The following B4GALT1 variants were observed in gnomAD, a reference collection of about 807,000 sequenced individuals.
B4GALT1 encodes N-acetyllactosamine synthase.
In B4GALT1, 16 loss-of-function variants were observed where a neutral mutation model predicts 34.9. The observed-to-expected ratio is 0.46, with a 90% CI of 0.31 to 0.70. The LOEUF is 0.70. Ranked by LOEUF, B4GALT1 falls within the 30% of genes least tolerant of loss-of-function variation. The pLI, the probability that B4GALT1 is intolerant of heterozygous loss-of-function variation, is 0.05. For synonymous variants in B4GALT1, 221 were observed against 218.1 expected, an observed-to-expected ratio of 1.01 and a Z score of -0.12; for missense variants, 445 against 530.5, an observed-to-expected ratio of 0.84 and a Z score of 1.58.
At chr9:33,104,573 C>A (rs990609118) in exon 3 of B4GALT1, 3 of 345,530 alleles carry the variant, frequency 8.7e-6, no homozygotes, top group Non-Finnish European at 1.7e-5. Context: ...AAGCCAGTCA[C>A]TGGGGTCAAG....
At chr9:33,149,326 G>A (rs1324703967) in intron 1 of B4GALT1, among the ~76,000 whole-genome samples, 1 of 151,490 alleles carries the variant, frequency 6.6e-6, no homozygotes, top group Non-Finnish European at 1.5e-5. Flanking sequence ...TGTCACCCTG[G>A]CTAGAGTGCA....
chr9:33,164,544 CA>C (rs1840720330), intron 1 of B4GALT1, among the ~76,000 whole-genome samples: 1 of 152,204 alleles, frequency 6.6e-6, no homozygotes, highest in African/African-American at 2.4e-5. Flanking sequence ...CCTCGTCCTC[CA>C]AAATGTTCTT....
At chr9:33,127,609 A>G (rs141246321) in intron 2 of B4GALT1, among the ~76,000 whole-genome samples, 2 of 152,358 alleles carry the variant, frequency 1.3e-5, no homozygotes, top group African/African-American at 2.4e-5. Flanking sequence ...TTATGGTATT[A>G]CTTACACTCA....
chr9:33,132,836 C>A (rs1457585524), intron 2 of B4GALT1, among the ~76,000 whole-genome samples: 1 of 152,168 alleles, frequency 6.6e-6, no homozygotes, highest in Non-Finnish European at 1.5e-5. Context: ...CACCTCAGTT[C>A]AAAAATTCAG....
intron 1 of B4GALT1, among the ~76,000 whole-genome samples, chr9:33,157,121 TACACACACAC>T (rs199541947): frequency 1.1e-4 from 13 of 113,228 alleles, no homozygotes; most frequent in East Asian, 2.8e-4. Context: ...CATAGGGAAC[TACACACACAC>T]ACACACACAC....
At position 33,111,114 on chromosome 9, in the gene B4GALT1, T is replaced by A. The variant is rs1270924006; in HGVS notation, c.*2340A>T. 1 of 152,362 alleles carries A rather than the reference T, an allele frequency of 6.6e-6. No individual in the cohort carries two copies. The highest frequency in any genetic ancestry group is 2.4e-5 in the African/African-American group (1 of 41,346). The allele number at this position is 152,362 out of a possible 1,614,324, so 9.4% of individuals were successfully genotyped here. ...CGGCATCTCACGGACCAGGCAAACA[T>A]CCAGGCCTAACTGTGCCCTGGCTGT... On this transcript the variant is annotated 3_prime_UTR_variant, in exon 6 of 6. Coordinates refer to ENST00000379731, the MANE Select transcript of B4GALT1 (RefSeq NM_001497.4).
downstream of B4GALT1, among the ~76,000 whole-genome samples, chr9:33,105,880 G>GTTTTTTTTTTTT (rs35330697): frequency 9.3e-5 from 8 of 85,744 alleles, no homozygotes; most frequent in Admixed American, 1.7e-4. Flanking sequence ...GGACTCGTGG[G>GTTTTTTTTTTTT]TTTTTTTTTT....
chr9:33,153,871 C>A (rs182393344), intron 1 of B4GALT1, among the ~76,000 whole-genome samples: 19 of 151,936 alleles, frequency 1.3e-4, no homozygotes, highest in Admixed American at 3.3e-4. Flanking sequence ...CAGTATTACC[C>A]TGATACCAAA....
chr9:33,129,211 C>A (rs1044818138), intron 2 of B4GALT1, among the ~76,000 whole-genome samples: 2 of 152,088 alleles, frequency 1.3e-5, no homozygotes, highest in African/African-American at 4.8e-5. Context: ...GTTCAAAATT[C>A]AAAGTGAGAC....
chr9:33,153,799 C>T (rs1011392077), intron 1 of B4GALT1, among the ~76,000 whole-genome samples: 20 of 151,912 alleles, frequency 1.3e-4, no homozygotes, highest in Middle Eastern at 3.2e-3. Flanking sequence ...TAATAAAAAC[C>T]GACCACAAAC....
intron 1 of B4GALT1, among the ~76,000 whole-genome samples, chr9:33,166,423 C>T (rs1436766847): frequency 2.0e-5 from 3 of 152,150 alleles, no homozygotes; most frequent in African/African-American, 4.8e-5. Context: ...CAAGGCTGCT[C>T]GAAGCCCTAA....
rs1840761887 is a variant in B4GALT1 at position 33,166,745 on chromosome 9, C to A, written c.412+13G>T. 1 of 1,500,734 alleles carries A rather than the reference C, an allele frequency of 6.7e-7. No individual in the cohort carries two copies. Among genetic ancestry groups the A allele is most frequent in the Admixed American group, 2.2e-5 (1 of 45,038 alleles). The allele number at this position is 1,500,734 out of a possible 1,614,324, so 93.0% of individuals were successfully genotyped here. ...GTCCCAATCCTCCGACTGGCGCCGA[C>A]CCGAGTCCTTACCAAGCAGCGGGGA... On this transcript the variant is annotated intron_variant, in intron 1 of 5. Transcript: ENST00000379731.
chr9:33,130,978 G>C (rs1208739816), intron 2 of B4GALT1, among the ~76,000 whole-genome samples: 1 of 152,108 alleles, frequency 6.6e-6, no homozygotes, highest in Non-Finnish European at 1.5e-5. Context: ...ATTTACTGAA[G>C]GTTTACCATG....
At position 33,163,329 on chromosome 9, in the gene B4GALT1, C is replaced by A. The variant is rs1488888457; in HGVS notation, c.412+3429G>T. Among the ~76,000 whole-genome samples, 3 of 152,186 alleles carry A rather than the reference C, an allele frequency of 2.0e-5. No individual in the cohort carries two copies. In the East Asian group the frequency reaches 5.8e-4, roughly 29 times the overall value. On this transcript the variant is annotated intron_variant, in intron 1 of 5. Coordinates refer to ENST00000379731, the MANE Select transcript of B4GALT1 (RefSeq NM_001497.4). The stretch of plus-strand genomic sequence containing the variant: ...TCATGAGCAAGTGCTCCTCGGGTGC[C>A]CTGGCTACCTGTAGCTGCTGTTTGC...
chr9:33,113,714 C>T (rs148667860), intron 5 of B4GALT1, 60 bp downstream of exon 5: 43 of 1,608,820 alleles, frequency 2.7e-5, no homozygotes, highest in Middle Eastern at 3.3e-4. Flanking sequence ...CCCAGAGCCT[C>T]GGACCTGCAG....
chr9:33,129,243 G>T (rs1487686629), intron 2 of B4GALT1, among the ~76,000 whole-genome samples: 1 of 152,170 alleles, frequency 6.6e-6, no homozygotes, highest in Admixed American at 6.5e-5. Context: ...TGAGTCCAAA[G>T]GACCCTAAAG....
intron 1 of B4GALT1, among the ~76,000 whole-genome samples, chr9:33,141,515 TCAA>T (rs899875153): frequency 2.0e-4 from 31 of 152,202 alleles, no homozygotes; most frequent in Admixed American, 8.5e-4. Context: ...AGACTCTGTC[TCAA>T]CAACAACAAC....
At chr9:33,182,076 A>G in the B4GALT1 span, among the ~76,000 whole-genome samples, 2 of 151,850 alleles carry the variant, frequency 1.3e-5, no homozygotes, top group Admixed American at 1.3e-4. Context: ...TGTGGAGACA[A>G]GGTCTCACTC....
In B4GALT1 at chr9:33,120,472, C is replaced by A. The variant is rs565737403; in HGVS notation, c.783G>T (p.Arg261Ser). The A allele has an allele frequency of 1.2e-6, 2 of 1,614,070 alleles. No homozygotes were observed. The highest frequency in any genetic ancestry group is 1.1e-5 in the South Asian group (1 of 91,082). The change falls in exon 3 of 6, where the codon AGG becomes AGT. Residue 261 changes from arginine to serine, a missense_variant. This residue lies in a region of B4GALT1 where 349 missense variants were observed against 395.5 expected (regional missense o/e 0.88). Coordinates refer to ENST00000379731, the MANE Select transcript of B4GALT1 (RefSeq NM_001497.4). ...AAATGTGCCGTGGCTGTGAAAAACA[C>A]CTGTACGCATTATGGTCATTCATTG... ...LIPMNDHNAY[R>S]CFSQPRHISV...
Sources: allele counts gnomAD v4.1 joint callset (sites outside exome capture counted in the v4.1 genomes callset), GRCh38; gene constraint gnomAD v4.1.1; regional missense constraint gnomAD v4.1.1; transcripts MANE v1.5; gene names NCBI Gene and HGNC (gene_info 2026-07-23, HGNC 2026-07-21).